Variants in RARB observed in about 807,000 individuals in gnomAD.
RARB encodes the protein HBV-activated protein.
RARB carries 17 observed loss-of-function variants against 51.9 expected under a neutral mutation model. The ratio of observed to expected loss-of-function variants is 0.33; its 90% CI spans 0.22 to 0.49. The LOEUF is 0.49. Among genes scored for constraint, RARB ranks in the 20% least tolerant of loss-of-function variants. RARB has a pLI of 0.99. For synonymous variants in RARB, 215 were observed against 195.4 expected (o/e 1.10, Z -0.84); for missense variants, 369 against 550.8 (o/e 0.67, Z 3.30).
rs1380996156 is a variant in RARB, at chr3:25,375,807, A to G, written c.179-85386A>G. On this transcript the variant is annotated intron_variant, in intron 5 of 11. Coordinates refer to the RARB transcript ENST00000383772. ...ATTGAGATGCTATTTGTGGGCAGCC[A>G]CAATCAGCCATACCAATTTTGTTTT... Among the ~76,000 whole-genome samples, 3 of 152,330 alleles carry G rather than the reference A, an allele frequency of 2.0e-5. No individual in the cohort carries two copies. In the East Asian group the frequency reaches 5.8e-4, roughly 29 times the overall value.
At chr3:25,576,603 C>T (rs537379377) in intron 4 of RARB, among the ~76,000 whole-genome samples, 171 of 152,334 alleles carry the variant, frequency 1.1e-3, no homozygotes, top group Non-Finnish European at 1.8e-3. Context: ...ACGCCTGAAA[C>T]GTGACCTCCA....
chr3:25,086,865 G>C (rs188611791), intron 3 of RARB, among the ~76,000 whole-genome samples: 1 of 152,090 alleles, frequency 6.6e-6, no homozygotes, highest in Non-Finnish European at 1.5e-5. Context: ...TAAAGCCTCC[G>C]CATAGCCTGC....
intron 3 of RARB, among the ~76,000 whole-genome samples, chr3:25,066,323 T>C (rs1212664476): frequency 1.3e-5 from 2 of 152,226 alleles, no homozygotes; most frequent in East Asian, 3.8e-4. Context: ...GGAAAGATTG[T>C]GGACTGAGTT....
intron 2 of RARB, among the ~76,000 whole-genome samples, chr3:24,887,120 A>G (rs1324286990): frequency 6.6e-6 from 1 of 152,260 alleles, no homozygotes; most frequent in Non-Finnish European, 1.5e-5. Context: ...AGTAAGGGCC[A>G]TCAATTACAA....
At chr3:25,149,620 T>C (rs1700249880) in intron 4 of RARB, among the ~76,000 whole-genome samples, 1 of 152,226 alleles carries the variant, frequency 6.6e-6, no homozygotes, top group Non-Finnish European at 1.5e-5. Context: ...CCCTCTACTA[T>C]TTAAATTGTT....
chr3:25,027,193 T>C (rs1236776873), intron 2 of RARB, among the ~76,000 whole-genome samples: 2 of 150,190 alleles, frequency 1.3e-5, no homozygotes, highest in Non-Finnish European at 3.0e-5. Context: ...AGTGACAGGA[T>C]ATGGGAGAAA....
At chr3:24,888,435 C>T (rs1703305833) in intron 2 of RARB, among the ~76,000 whole-genome samples, 1 of 151,500 alleles carries the variant, frequency 6.6e-6, no homozygotes, top group Non-Finnish European at 1.5e-5. Flanking sequence ...TTTTATTATA[C>T]TTTAAGTTCT....
intron 3 of RARB, among the ~76,000 whole-genome samples, chr3:25,068,133 CAAAAAAAAAAAAAAAAAAAAAAAAAA>C (rs55826425): frequency 4.8e-4 from 16 of 33,270 alleles, no homozygotes; most frequent in East Asian, 4.3e-3. Flanking sequence ...GACTCCATCT[CAAAAAAAAAAAAAAAAAAAAAAAAAA>C]AAAAAAAAAA....
intron 2 of RARB, among the ~76,000 whole-genome samples, chr3:24,862,433 C>G (rs548075871): frequency 6.6e-6 from 1 of 152,242 alleles, no homozygotes; most frequent in South Asian, 2.1e-4. Context: ...TTCCACAGTT[C>G]TGGTTACCCA....
intron 3 of RARB, among the ~76,000 whole-genome samples, chr3:25,095,823 GTTC>G (rs1699283378): frequency 6.6e-6 from 1 of 152,192 alleles, no homozygotes; most frequent in Non-Finnish European, 1.5e-5. Context: ...GTCACTTGTA[GTTC>G]TTCTTTCCTG....
intron 5 of RARB, among the ~76,000 whole-genome samples, chr3:25,193,920 G>C (rs1265612270): frequency 6.6e-6 from 1 of 150,530 alleles, no homozygotes; most frequent in South Asian, 2.1e-4. Context: ...CAGTTAGTAA[G>C]ATGATTATTT....
At chr3:24,919,148 A>G (rs919717787) in intron 2 of RARB, among the ~76,000 whole-genome samples, 2 of 152,200 alleles carry the variant, frequency 1.3e-5, no homozygotes, top group Admixed American at 6.5e-5. Flanking sequence ...ACACATTGAG[A>G]GCTTAATAAG....
At chr3:25,533,418 T>C (rs555001471) in intron 3 of RARB, among the ~76,000 whole-genome samples, 83 of 152,318 alleles carry the variant, frequency 5.4e-4, no homozygotes, top group African/African-American at 1.9e-3. Flanking sequence ...GTGTCATTAG[T>C]TGCCTGGATA....
intron 2 of RARB, among the ~76,000 whole-genome samples, chr3:24,995,584 G>C (rs1697003856): frequency 6.6e-6 from 1 of 152,044 alleles, no homozygotes; most frequent in South Asian, 2.1e-4. Flanking sequence ...TCCCCATTCA[G>C]TAAGATGGTA....
chr3:25,157,930 ATTG>A (rs1414686525), intron 4 of RARB, among the ~76,000 whole-genome samples: 1 of 130,422 alleles, frequency 7.7e-6, no homozygotes, highest in African/African-American at 2.8e-5. Context: ...GCAGCAGACT[ATTG>A]TTTATCCAGA....
intron 4 of RARB, among the ~76,000 whole-genome samples, chr3:25,579,531 A>G (rs537091380): frequency 7.1e-4 from 108 of 152,344 alleles, no homozygotes; most frequent in African/African-American, 2.6e-3. Context: ...ATGTTGTAGC[A>G]TGTATTACAG....
intron 3 of RARB, among the ~76,000 whole-genome samples, chr3:25,085,057 G>A (rs980174509): frequency 3.9e-5 from 6 of 152,062 alleles, no homozygotes; most frequent in Admixed American, 2.6e-4. Flanking sequence ...TAGATTAATA[G>A]GATCCATTAT....
intron 5 of RARB, among the ~76,000 whole-genome samples, chr3:25,205,509 G>C (rs951868445): frequency 6.6e-6 from 1 of 152,026 alleles, no homozygotes; most frequent in Non-Finnish European, 1.5e-5. Context: ...TTTGTCTTCT[G>C]CGTTGCTCAC....
At chr3:25,315,739 G>T (rs1378456453) in intron 5 of RARB, among the ~76,000 whole-genome samples, 1 of 151,990 alleles carries the variant, frequency 6.6e-6, no homozygotes, top group Non-Finnish European at 1.5e-5. Context: ...TCAGCCTCCA[G>T]AGTAGCTGGA....
Sources: gnomAD v4.1 joint callset for allele counts (sites outside exome capture counted in the v4.1 genomes callset) on GRCh38, gnomAD v4.1.1 for gene constraint, MANE v1.5 for transcripts, NCBI Gene and HGNC (gene_info 2026-07-23, HGNC 2026-07-21) for gene names.